G3BP2: variants seen among roughly 807,000 people sequenced by gnomAD.
G3BP2 encodes ras GTPase-activating protein-binding protein 2.
In G3BP2, 11 loss-of-function variants were observed where a neutral mutation model predicts 56.7. That is an observed-to-expected ratio of 0.19 (90% confidence interval 0.12 to 0.32). G3BP2 has a LOEUF of 0.32. G3BP2 is among the 10% of genes least tolerant of loss of function. The pLI is 1.00. For synonymous variants in G3BP2, 165 were observed against 191.6 expected (o/e 0.86, Z 1.15); for missense variants, 340 against 610.9 (o/e 0.56, Z 4.67).
chr4:75,716,729 G>A (rs1328831252), intron 3 of G3BP2, among the ~76,000 whole-genome samples: 1 of 150,298 alleles, frequency 6.7e-6, no homozygotes. Flanking sequence ...TGGTCAGGCT[G>A]GTCTCGAACT....
At chr4:75,653,049 T>G (rs1731815246) in intron 8 of G3BP2, among the ~76,000 whole-genome samples, 1 of 151,448 alleles carries the variant, frequency 6.6e-6, no homozygotes, top group Non-Finnish European at 1.5e-5. Flanking sequence ...AAGATGGAAC[T>G]CTGGGTGACC....
chr4:75,671,886 T>C (rs1267342387), intron 1 of G3BP2, among the ~76,000 whole-genome samples: 3 of 152,222 alleles, frequency 2.0e-5, no homozygotes, highest in Non-Finnish European at 4.4e-5. Flanking sequence ...AAAAGTTTAC[T>C]TAGAAACTTG....
intron 1 of G3BP2, among the ~76,000 whole-genome samples, chr4:75,669,245 T>C (rs560722613): frequency 2.0e-3 from 305 of 152,326 alleles, no homozygotes; most frequent in African/African-American, 7.1e-3. Flanking sequence ...ACTGAACACC[T>C]AGACATGACC....
intron 8 of G3BP2, among the ~76,000 whole-genome samples, chr4:75,651,914 T>A (rs1410241580): frequency 3.3e-5 from 5 of 152,228 alleles, no homozygotes; most frequent in Admixed American, 2.6e-4. Flanking sequence ...TACTTCTAAG[T>A]TAATGCCTAC....
At chr4:75,706,625 C>T (rs558036803) in intron 3 of G3BP2, among the ~76,000 whole-genome samples, 17 of 146,152 alleles carry the variant, frequency 1.2e-4, no homozygotes, top group South Asian at 8.6e-4. Flanking sequence ...TGCGGTGAGC[C>T]GAGATCGTGC....
chr4:75,645,628 G>C lies in G3BP2; in HGVS notation c.1251C>G (p.Thr417=). ...KKTRAARERE[T]RGGGDDRRDI... Reference sequence around the variant, plus strand: ...CCCTGCGATCATCACCACCACCTCTGGTTTCTCGCTCTCTTGCAGCTCTTG... The same window carrying C: ...CCCTGCGATCATCACCACCACCTCTCGTTTCTCGCTCTCTTGCAGCTCTTG... The change falls in exon 12 of 12, where the codon ACC becomes ACG. Residue 417 remains threonine, a synonymous_variant. Transcript: ENST00000359707. 1 of 1,613,626 alleles carries C rather than the reference G, an allele frequency of 6.2e-7. No individual in the cohort carries two copies. Among genetic ancestry groups the C allele is most frequent in the Non-Finnish European group, 8.5e-7 (1 of 1,179,858 alleles).
rs34007469 is a variant in G3BP2, at chr4:75,720,501, CAAA to C, written c.-25+373_-25+375del. ...TGGGCAACAGAGCGAGACTCCGTCT[CAAA>C]AAAAAAAAAAAAAATATTTTGAGGG... On this transcript the variant is annotated intron_variant, in intron 3 of 3. Coordinates refer to the G3BP2 transcript ENST00000499709. 7.8e-4 allele frequency among the ~76,000 whole-genome samples: 90 copies of C among 115,758 alleles called. 1 individual carries two copies. Among genetic ancestry groups the C allele is most frequent in the Middle Eastern group, 5.3e-3 (1 of 188 alleles). The allele number at this position is 115,758 out of a possible 152,430, so 75.9% of individuals were successfully genotyped here.
At chr4:75,706,677 CAA>C (rs34804568) in intron 3 of G3BP2, among the ~76,000 whole-genome samples, 15 of 118,820 alleles carry the variant, frequency 1.3e-4, no homozygotes, top group Middle Eastern at 4.4e-3. Context: ...AACTCTATCT[CAA>C]AAAAAAAAAA....
At chr4:75,709,419 CAAAAAAAAAAAA>C (rs34603185) in intron 3 of G3BP2, among the ~76,000 whole-genome samples, 1 of 47,404 alleles carries the variant, frequency 2.1e-5, no homozygotes, top group South Asian at 1.4e-3. Flanking sequence ...GACTCCGTCT[CAAAAAAAAAAAA>C]AAAAAAAAAA....
chr4:75,647,011 G>T lies in G3BP2; in HGVS notation c.1057+18C>A. Reference sequence around the variant, plus strand: ...TTAAAATAATTTAAAAACTCCAACAGCAAAATAAATCACTTACTCATGAAG... The same window carrying T: ...TTAAAATAATTTAAAAACTCCAACATCAAAATAAATCACTTACTCATGAAG... On this transcript the variant is annotated intron_variant, in intron 10 of 11. Coordinates refer to ENST00000359707, the MANE Select transcript of G3BP2 (RefSeq NM_203505.3). 2.0e-6 allele frequency: 3 copies of T among 1,519,216 alleles called. No individual in the cohort carries two copies. Among genetic ancestry groups the T allele is most frequent in the Non-Finnish European group, 1.8e-6 (2 of 1,115,260 alleles). The allele number at this position is 1,519,216 out of a possible 1,614,324, so 94.1% of individuals were successfully genotyped here.
intron 3 of G3BP2, among the ~76,000 whole-genome samples, chr4:75,687,698 C>G (rs979213493): frequency 1.8e-4 from 27 of 152,170 alleles, no homozygotes; most frequent in African/African-American, 6.5e-4. Flanking sequence ...AGGCTAAACA[C>G]TCCTAAAAGC....
intron 1 of G3BP2, among the ~76,000 whole-genome samples, chr4:75,667,221 C>T (rs548694633): frequency 6.7e-6 from 1 of 149,134 alleles, no homozygotes; most frequent in African/African-American, 2.5e-5. Context: ...CCCGGGAAGT[C>T]AAGGCTGCAG....
intron 1 of G3BP2, among the ~76,000 whole-genome samples, chr4:75,668,861 C>T (rs888408888): frequency 2.6e-5 from 4 of 152,174 alleles, no homozygotes; most frequent in Non-Finnish European, 4.4e-5. Flanking sequence ...TCTTAAAGCA[C>T]TTTTGGCCTT....
At chr4:75,684,277 T>C (rs1295632241) in intron 3 of G3BP2, among the ~76,000 whole-genome samples, 1 of 151,986 alleles carries the variant, frequency 6.6e-6, no homozygotes, top group East Asian at 1.9e-4. Context: ...TGGTGGCATG[T>C]GCCTGTAGTC....
At chr4:75,687,789 G>A (rs1718673620) in intron 3 of G3BP2, among the ~76,000 whole-genome samples, 1 of 152,168 alleles carries the variant, frequency 6.6e-6, no homozygotes, top group South Asian at 2.1e-4. Flanking sequence ...ATCCAGGAGT[G>A]GCCAACTTGG....
Position 75,686,820 on chromosome 4 carries a change from C to A in G3BP2, c.-24-24771G>T, listed in dbSNP as rs189228133. ...AATAAGCACTTTCATCTTAGAATAC[C>A]TATTTCTATGGTGAGCAAAGACATT... On this transcript the variant is annotated intron_variant, in intron 3 of 3. Coordinates refer to the G3BP2 transcript ENST00000499709. Among the ~76,000 whole-genome samples the A allele has an allele frequency of 7.1e-4, 108 of 152,210 alleles. 1 individual carries two copies. The highest frequency in any genetic ancestry group is 8.7e-4 in the Non-Finnish European group (59 of 67,990).
Position 75,685,869 on chromosome 4 carries a change from T to G in G3BP2, c.-24-23820A>C, listed in dbSNP as rs184765244. Among the ~76,000 whole-genome samples, 9 of 152,298 alleles carry G rather than the reference T, an allele frequency of 5.9e-5. No homozygotes were observed. In the East Asian group the frequency reaches 1.4e-3, roughly 23 times the overall value. ...GGAAACCAAATCTATAAAGTGACAGTAACTATCATAAACAAGGAACTGCCC... is the reference window on the plus strand; with the variant it reads ...GGAAACCAAATCTATAAAGTGACAGGAACTATCATAAACAAGGAACTGCCC... On this transcript the variant is annotated intron_variant, in intron 3 of 3. Transcript: ENST00000499709.
intron 3 of G3BP2, among the ~76,000 whole-genome samples, chr4:75,686,567 G>C (rs1578428964): frequency 7.2e-6 from 1 of 139,000 alleles, no homozygotes; most frequent in South Asian, 2.7e-4. Context: ...TGGGTGGCGG[G>C]GGGTGGGGGT....
chr4:75,686,638 A>T (rs948654852), intron 3 of G3BP2, among the ~76,000 whole-genome samples: 1 of 152,128 alleles, frequency 6.6e-6, no homozygotes, highest in Non-Finnish European at 1.5e-5. Flanking sequence ...CAGTATTACC[A>T]CAAGATCAAG....
Sources: allele counts gnomAD v4.1 joint callset (sites outside exome capture counted in the v4.1 genomes callset), GRCh38; gene constraint gnomAD v4.1.1; transcripts MANE v1.5; gene names NCBI Gene and HGNC (gene_info 2026-07-23, HGNC 2026-07-21).